Variants in GGA2 observed in about 807,000 individuals in gnomAD.
GGA2 encodes the protein ADP-ribosylation factor-binding protein GGA2.
Under a neutral mutation model 79.5 loss-of-function variants are expected in GGA2, and 48 were observed. That is an observed-to-expected ratio of 0.60 (90% CI 0.48 to 0.77). The LOEUF is 0.77. Ranked by LOEUF, GGA2 falls within the 30% of genes least tolerant of loss-of-function variation. The probability of loss-of-function intolerance (pLI) is 0.00; values close to 1 mark genes in which losing one functional copy is unlikely to be tolerated. For missense variants in GGA2, 770 were observed against 774.0 expected (o/e 0.99, Z 0.06); for synonymous variants, 317 against 302.0 (o/e 1.05, Z -0.51).
intron 5 of GGA2, among the ~76,000 whole-genome samples, chr16:23,490,828 C>T (rs7190131): frequency 0.74 from 112,249 of 151,998 alleles, 41,940 homozygotes; most frequent in Non-Finnish European, 0.81. Flanking sequence ...TATGTCTGCA[C>T]GTTGTTACTT....
At chr16:23,499,463 A>G (rs1454908700) in intron 1 of GGA2, among the ~76,000 whole-genome samples, 1 of 151,916 alleles carries the variant, frequency 6.6e-6, no homozygotes, top group African/African-American at 2.4e-5. Flanking sequence ...TTTCTTTAAG[A>G]AAGAAAAAAC....
rs1431070292 is a variant in GGA2 at position 23,466,620 on chromosome 16, CTG to C, written c.*968_*969del. 2 of 152,224 alleles carry C rather than the reference CTG, an allele frequency of 1.3e-5. No homozygotes were observed. The highest frequency in any genetic ancestry group is 2.9e-5 in the Non-Finnish European group (2 of 68,046). 9.4% of individuals were successfully genotyped at this position (152,224 alleles called of 1,614,324 possible). On this transcript the variant is annotated 3_prime_UTR_variant, in exon 17 of 17. Transcript: ENST00000309859. ...TTGCTACATGGTATTTATTCAATGA[CTG>C]TATATTTAGTCACCACCTCAATCAC... is the stretch of plus-strand genomic sequence containing the variant.
At chr16:23,478,967 G>A (rs755487746) in intron 11 of GGA2, 56 bp from the exon 12 acceptor site, 8 of 1,162,018 alleles carry the variant, frequency 6.9e-6, no homozygotes, top group Non-Finnish European at 1.0e-5. Flanking sequence ...GCTTCCAGAT[G>A]AAGAGTAATG....
chr16:23,486,621 C>T (rs1964716356), intron 7 of GGA2, 89 bp downstream of exon 7: 1 of 822,440 alleles, frequency 1.2e-6, no homozygotes, highest in Non-Finnish European at 2.2e-6. Context: ...GGCAACCGTT[C>T]CTCTACCCCT....
intron 1 of GGA2, among the ~76,000 whole-genome samples, chr16:23,496,288 G>C (rs1484620884): frequency 7.0e-6 from 1 of 142,888 alleles, no homozygotes; most frequent in Non-Finnish European, 1.5e-5. Context: ...AGGAGACAGA[G>C]GGAGACTCTG....
At chr16:23,515,744 T>C (rs1173882311) in intron 2 of GGA2, among the ~76,000 whole-genome samples, 12 of 152,170 alleles carry the variant, frequency 7.9e-5, no homozygotes, top group African/African-American at 2.7e-4. Context: ...TCTACACTAC[T>C]GGCTCTCCAG....
intron 14 of GGA2, among the ~76,000 whole-genome samples, chr16:23,471,830 CAAG>C (rs1158417633): frequency 5.3e-5 from 8 of 151,978 alleles, no homozygotes; most frequent in African/African-American, 1.5e-4. Flanking sequence ...TGCTTGAGCC[CAAG>C]AAGAATATGA....
chr16:23,508,063 CTTT>C (rs397855668), intron 1 of GGA2, among the ~76,000 whole-genome samples: 6 of 138,428 alleles, frequency 4.3e-5, no homozygotes, highest in Admixed American at 7.3e-5. Context: ...ACTCCGGCTA[CTTT>C]TTTTTTTTTT....
chr16:23,515,325 G>A (rs1213983200), upstream of GGA2, among the ~76,000 whole-genome samples: 2 of 151,512 alleles, frequency 1.3e-5, no homozygotes, highest in Admixed American at 6.6e-5. Flanking sequence ...GGCCAGGCAT[G>A]GTGGCTCACG....
At chr16:23,487,264 G>A (rs1964727505) in intron 6 of GGA2, among the ~76,000 whole-genome samples, 2 of 152,194 alleles carry the variant, frequency 1.3e-5, no homozygotes, top group Non-Finnish European at 2.9e-5. Flanking sequence ...ACAGGCGTAA[G>A]CCAGCGTGCC....
rs746588777 is a variant in GGA2 at position 23,493,439 on chromosome 16, T to A, written c.272A>T (p.Asn91Ile). ...YALTVLEMCM[N>I]HCGEKFHSEV... ...GCTGTGGAACTTCTCCCCACAGTGG[T>A]TCATGCACATCTCCAGCACCTGCAC... The change falls in exon 4 of 17, where the codon AAC (asparagine) becomes ATC (isoleucine). Residue 91 changes from asparagine to isoleucine, a missense_variant. Transcript: ENST00000309859. 1 of 1,610,240 alleles carries A rather than the reference T, an allele frequency of 6.2e-7. No individual in the cohort carries two copies. Among genetic ancestry groups the A allele is most frequent in the Non-Finnish European group, 8.5e-7 (1 of 1,176,574 alleles).
chr16:23,467,651 G>A lies in GGA2; in HGVS notation c.1781C>T (p.Pro594Leu). 6.2e-7 allele frequency: 1 copy of A among 1,610,746 alleles called. No individual in the cohort carries two copies. The highest frequency in any genetic ancestry group is 8.5e-7 in the Non-Finnish European group (1 of 1,176,976). The change falls in exon 17 of 17, where the codon CCT (proline) becomes CTT (leucine). Residue 594 changes from proline (P) to leucine (L), a missense_variant. By Grantham distance (98) the Pro-to-Leu change is moderately conservative. Transcript: ENST00000309859. Reference sequence around the variant, plus strand: ...TTTCACTTCTCCTACTTCGCTGAAAGGCTGTCCACCTTGGTTGAATGTCAG... The same window carrying A: ...TTTCACTTCTCCTACTTCGCTGAAAAGCTGTCCACCTTGGTTGAATGTCAG... Reference protein sequence around the residue: ...YKLTFNQGGQPFSEVGEVKDF... With the variant: ...YKLTFNQGGQLFSEVGEVKDF...
At chr16:23,513,239 T>C (rs1040795656), upstream of GGA2, among the ~76,000 whole-genome samples, 4 of 150,666 alleles carry the variant, frequency 2.7e-5, no homozygotes, top group African/African-American at 9.8e-5. Flanking sequence ...GAAAACCATA[T>C]CCCAGAGCAT....
chr16:23,498,572 T>C (rs1234620476), intron 1 of GGA2, among the ~76,000 whole-genome samples: 1 of 152,102 alleles, frequency 6.6e-6, no homozygotes, highest in East Asian at 1.9e-4. Flanking sequence ...TACAAATATG[T>C]TTACAAAAAA....
chr16:23,499,514 C>A (rs1462461467), intron 1 of GGA2, among the ~76,000 whole-genome samples: 1 of 152,132 alleles, frequency 6.6e-6, no homozygotes, highest in Non-Finnish European at 1.5e-5. Flanking sequence ...TTAACCAAGG[C>A]CAAGCAGCAA....
At position 23,467,770 on chromosome 16, in the gene GGA2, C is replaced by T. The variant is rs555758806; in HGVS notation, c.1732-70G>A. ...CCAGGAACAGGGGTCAATGTTAAGT[C>T]AAGTGAGTGTTTCAAACAATTCTGA... is the stretch of plus-strand genomic sequence containing the variant. On this transcript the variant is annotated intron_variant, in intron 16 of 16. Coordinates refer to ENST00000309859, the MANE Select transcript of GGA2 (RefSeq NM_015044.4). 15 of 781,652 alleles carry T rather than the reference C, an allele frequency of 1.9e-5. No individual in the cohort carries two copies. The African/African-American group carries it at 2.4e-4, about 12-fold the overall frequency. The allele number at this position is 781,652 out of a possible 1,614,324, so 48.4% of individuals were successfully genotyped here.
intron 14 of GGA2, 25 bp from the exon 15 acceptor site, chr16:23,470,190 G>A: frequency 6.4e-7 from 1 of 1,555,196 alleles, no homozygotes; most frequent in South Asian, 1.2e-5. Context: ...ACAAGCAGAA[G>A]GTTTAACACC....
intron 1 of GGA2, among the ~76,000 whole-genome samples, chr16:23,499,980 G>C (rs1421668753): frequency 6.6e-6 from 1 of 152,254 alleles, no homozygotes; most frequent in East Asian, 1.9e-4. Flanking sequence ...CTGGGAACCA[G>C]GAGAGAGCTC....
At chr16:23,515,449 T>A (rs1445366985), upstream of GGA2, among the ~76,000 whole-genome samples, 2 of 151,040 alleles carry the variant, frequency 1.3e-5, no homozygotes, top group Non-Finnish European at 2.9e-5. Context: ...ATACAAAAAT[T>A]AGCTGGGCAT....
Sources: gnomAD v4.1 joint callset for allele counts (sites outside exome capture counted in the v4.1 genomes callset) on GRCh38, gnomAD v4.1.1 for gene constraint, MANE v1.5 for transcripts, NCBI Gene and HGNC (gene_info 2026-07-23, HGNC 2026-07-21) for gene names.